Variants in MACROD2 observed in about 807,000 individuals in gnomAD.
MACROD2 encodes ADP-ribose glycohydrolase MACROD2.
Under a neutral mutation model 70.4 loss-of-function variants are expected in MACROD2, and 36 were observed. That is an observed-to-expected ratio of 0.51 (90% CI 0.39 to 0.68). The LOEUF (loss-of-function observed/expected upper bound fraction) is 0.68. Ranked by LOEUF, MACROD2 falls within the 30% of genes least tolerant of loss-of-function variation. The probability of loss-of-function intolerance (pLI) is 0.00; values close to 1 mark genes in which losing one functional copy is unlikely to be tolerated. For synonymous variants in MACROD2, 172 were observed against 178.8 expected, an observed-to-expected ratio of 0.96 and a Z score of 0.30; for missense variants, 496 against 538.4, an observed-to-expected ratio of 0.92 and a Z score of 0.78.
At chr20:15,045,850 A>C (rs2075390688) in intron 5 of MACROD2, among the ~76,000 whole-genome samples, 1 of 150,916 alleles carries the variant, frequency 6.6e-6, no homozygotes, top group Non-Finnish European at 1.5e-5. Flanking sequence ...TGCTTTTTGA[A>C]AAATATTCTA....
At chr20:14,851,896 T>G (rs1209848583) in intron 5 of MACROD2, among the ~76,000 whole-genome samples, 1 of 152,114 alleles carries the variant, frequency 6.6e-6, no homozygotes, top group Non-Finnish European at 1.5e-5. Flanking sequence ...CCCACAGAGC[T>G]TTCTTGATGC....
At chr20:14,738,334 T>A (rs1394071728) in intron 5 of MACROD2, among the ~76,000 whole-genome samples, 3 of 152,106 alleles carry the variant, frequency 2.0e-5, no homozygotes, top group Non-Finnish European at 2.9e-5. Flanking sequence ...TTTGGTGATA[T>A]AAAAAAGCTG....
intron 6 of MACROD2, among the ~76,000 whole-genome samples, chr20:15,333,761 C>G (rs2078018850): frequency 1.3e-5 from 2 of 151,492 alleles, no homozygotes; most frequent in South Asian, 4.2e-4. Context: ...TGTTCAATAT[C>G]CATTAGGTAT....
At chr20:15,494,975 C>G (rs2047279031) in intron 7 of MACROD2, among the ~76,000 whole-genome samples, 1 of 152,178 alleles carries the variant, frequency 6.6e-6, no homozygotes. Flanking sequence ...CCTGGATACA[C>G]ACACATGCAA....
intron 4 of MACROD2, among the ~76,000 whole-genome samples, chr20:14,535,928 G>A (rs940369842): frequency 2.6e-5 from 4 of 152,110 alleles, no homozygotes; most frequent in African/African-American, 7.2e-5. Context: ...AATTCACTTT[G>A]TTTATGGAGA....
intron 7 of MACROD2, among the ~76,000 whole-genome samples, chr20:15,483,731 A>ATT (rs371892860): frequency 6.7e-6 from 1 of 149,436 alleles, no homozygotes; most frequent in African/African-American, 2.5e-5. Context: ...TTCTCCTTTG[A>ATT]TTTTTTTTTT....
chr20:14,020,619 G>C (rs1601121749), intron 2 of MACROD2, among the ~76,000 whole-genome samples: 2 of 152,216 alleles, frequency 1.3e-5, no homozygotes, highest in South Asian at 4.1e-4. Flanking sequence ...CTGGGAATCA[G>C]ATTTCTCCCT....
intron 8 of MACROD2, among the ~76,000 whole-genome samples, chr20:15,745,597 G>C (rs577820563): frequency 6.6e-6 from 1 of 152,208 alleles, no homozygotes; most frequent in Admixed American, 6.5e-5. Flanking sequence ...TTGAAGAAAA[G>C]CTCTTCGTTT....
chr20:14,212,199 G>C (rs1310328566), intron 3 of MACROD2, among the ~76,000 whole-genome samples: 3 of 151,966 alleles, frequency 2.0e-5, no homozygotes, highest in African/African-American at 7.3e-5. Flanking sequence ...TTATATTAAT[G>C]TTCAGTTAAA....
At chr20:14,040,168 T>C (rs2053372666) in intron 2 of MACROD2, among the ~76,000 whole-genome samples, 1 of 152,144 alleles carries the variant, frequency 6.6e-6, no homozygotes, top group Admixed American at 6.5e-5. Context: ...TGTGTGAACA[T>C]GATAGTGTGT....
At chr20:14,168,391 A>T (rs2081189577) in intron 3 of MACROD2, among the ~76,000 whole-genome samples, 1 of 152,160 alleles carries the variant, frequency 6.6e-6, no homozygotes, top group African/African-American at 2.4e-5. Flanking sequence ...ACTTTTTTTT[A>T]GAGCAGTTTT....
intron 5 of MACROD2, among the ~76,000 whole-genome samples, chr20:15,164,466 A>T (rs934884594): frequency 1.1e-4 from 17 of 152,212 alleles, no homozygotes; most frequent in African/African-American, 3.9e-4. Flanking sequence ...ATAAAAATTT[A>T]AAAACACTTA....
chr20:15,089,212 G>T (rs962584392), intron 5 of MACROD2, among the ~76,000 whole-genome samples: 1 of 152,114 alleles, frequency 6.6e-6, no homozygotes, highest in African/African-American at 2.4e-5. Context: ...GAAATACAAG[G>T]CGTAATCCAC....
chr20:15,506,368 C>G (rs1165999598), intron 8 of MACROD2, among the ~76,000 whole-genome samples: 1 of 152,208 alleles, frequency 6.6e-6, no homozygotes, highest in Non-Finnish European at 1.5e-5. Context: ...AAATGCACGT[C>G]CAGCCTCCTG....
intron 4 of MACROD2, among the ~76,000 whole-genome samples, chr20:14,555,064 C>CT (rs1978935698): frequency 6.6e-6 from 1 of 151,776 alleles, no homozygotes; most frequent in South Asian, 2.1e-4. Flanking sequence ...AGCAAGGTGA[C>CT]TGTAGTCAAC....
chr20:15,219,279 G>A (rs1245202697), intron 5 of MACROD2, among the ~76,000 whole-genome samples: 2 of 152,200 alleles, frequency 1.3e-5, no homozygotes, highest in Admixed American at 6.5e-5. Context: ...CAGAAAGTTT[G>A]AAAATAGCTC....
At chr20:14,385,193 AT>A (rs913251797) in intron 3 of MACROD2, among the ~76,000 whole-genome samples, 2 of 152,100 alleles carry the variant, frequency 1.3e-5, no homozygotes, top group Non-Finnish European at 2.9e-5. Flanking sequence ...TTCTAAAGTG[AT>A]TTTTTTCCCT....
intron 4 of MACROD2, among the ~76,000 whole-genome samples, chr20:14,541,706 T>G (rs1277143777): frequency 6.6e-6 from 1 of 152,132 alleles, no homozygotes; most frequent in East Asian, 1.9e-4. Flanking sequence ...CAGATTCATT[T>G]TGTGTGGTTA....
intron 5 of MACROD2, among the ~76,000 whole-genome samples, chr20:15,103,761 C>G (rs532824066): frequency 6.6e-6 from 1 of 152,184 alleles, no homozygotes; most frequent in South Asian, 2.1e-4. Context: ...TGGAGAGTGA[C>G]CTGGAAGCCC....
Sources: allele counts gnomAD v4.1 joint callset (sites outside exome capture counted in the v4.1 genomes callset), GRCh38; gene constraint gnomAD v4.1.1; transcripts MANE v1.5; gene names NCBI Gene and HGNC (gene_info 2026-07-23, HGNC 2026-07-21).